The following CSMD1 variants were observed in gnomAD, a reference collection of about 807,000 sequenced individuals.
CSMD1 encodes CUB and sushi domain-containing protein 1.
Under a neutral mutation model 417.5 loss-of-function variants are expected in CSMD1, and 213 were observed. The observed-to-expected ratio is 0.51, with a 90% CI of 0.46 to 0.57. The LOEUF (loss-of-function observed/expected upper bound fraction) is 0.57. Ranked by LOEUF, CSMD1 falls within the 20% of genes least tolerant of loss-of-function variation. The pLI is 0.00. For synonymous variants in CSMD1, 2,862 were observed against 1,736.8 expected (o/e 1.65, Z -16.11); for missense variants, 6,923 against 4,529.7 (o/e 1.53, Z -15.17).
At chr8:3,259,688 A>C (rs1038559899) in intron 26 of CSMD1, among the ~76,000 whole-genome samples, 6 of 152,158 alleles carry the variant, frequency 3.9e-5, no homozygotes, top group African/African-American at 1.4e-4. Context: ...GAAATTTACT[A>C]AATTGGTGAG....
chr8:3,392,489 T>A (rs1042994866), intron 17 of CSMD1, among the ~76,000 whole-genome samples: 2 of 151,982 alleles, frequency 1.3e-5, no homozygotes, highest in African/African-American at 4.8e-5. Flanking sequence ...TTTTTCTCTG[T>A]CTCTGCTTTT....
intron 1 of CSMD1, among the ~76,000 whole-genome samples, chr8:4,832,544 A>G (rs1800216368): frequency 6.6e-6 from 1 of 152,212 alleles, no homozygotes; most frequent in Non-Finnish European, 1.5e-5. Context: ...GGCATGAGGT[A>G]TGCAAGGTTT....
In CSMD1 at chr8:4,539,283, G is replaced by T. The variant is rs915510980; in HGVS notation, c.302+98059C>A. Among the ~76,000 whole-genome samples the T allele has an allele frequency of 2.6e-5, 4 of 152,262 alleles. No homozygotes were observed. The East Asian group carries it at 7.7e-4, about 29-fold the overall frequency. On this transcript the variant is annotated intron_variant, in intron 2 of 69. Transcript: ENST00000635120. Reference sequence around the variant, plus strand: ...ATGCAGTATTTCTGGAAGATAGTATGCATATGTGGGATGTAAAATATATCT... The same window carrying T: ...ATGCAGTATTTCTGGAAGATAGTATTCATATGTGGGATGTAAAATATATCT...
At chr8:3,527,607 C>A (rs1335392633) in intron 10 of CSMD1, among the ~76,000 whole-genome samples, 1 of 152,018 alleles carries the variant, frequency 6.6e-6, no homozygotes, top group Non-Finnish European at 1.5e-5. Context: ...CACACACGGG[C>A]ATCTAAGAGT....
At chr8:3,994,106 C>G (rs1456646523) in intron 5 of CSMD1, among the ~76,000 whole-genome samples, 2 of 152,164 alleles carry the variant, frequency 1.3e-5, no homozygotes, top group Non-Finnish European at 2.9e-5. Flanking sequence ...GGAGCTGAAG[C>G]TCAGTCATGG....
At chr8:4,926,922 T>G (rs1042607875) in intron 1 of CSMD1, among the ~76,000 whole-genome samples, 1 of 152,092 alleles carries the variant, frequency 6.6e-6, no homozygotes, top group Admixed American at 6.5e-5. Context: ...AGTTAATTTT[T>G]AAACCATTTA....
chr8:4,676,822 T>A (rs1448482907), intron 1 of CSMD1, among the ~76,000 whole-genome samples: 1 of 151,892 alleles, frequency 6.6e-6, no homozygotes, highest in Non-Finnish European at 1.5e-5. Flanking sequence ...TGGCTTTGAA[T>A]GTTTTGTTCT....
At chr8:3,192,796 A>T (rs980808095) in intron 33 of CSMD1, among the ~76,000 whole-genome samples, 3 of 152,238 alleles carry the variant, frequency 2.0e-5, no homozygotes, top group Admixed American at 6.5e-5. Flanking sequence ...TTGGTGCTCA[A>T]AACAAAGCAG....
At chr8:3,466,983 A>T (rs1280968646) in intron 12 of CSMD1, among the ~76,000 whole-genome samples, 1 of 152,124 alleles carries the variant, frequency 6.6e-6, no homozygotes, top group African/African-American at 2.4e-5. Flanking sequence ...CTTTTGTCAA[A>T]GATAACACAT....
chr8:4,399,232 T>G (rs1804477661), intron 3 of CSMD1, among the ~76,000 whole-genome samples: 1 of 152,200 alleles, frequency 6.6e-6, no homozygotes, highest in Non-Finnish European at 1.5e-5. Context: ...ACAAACCGTA[T>G]TTCCCCTTGT....
chr8:4,929,384 A>C (rs945582513), intron 1 of CSMD1, among the ~76,000 whole-genome samples: 2 of 152,170 alleles, frequency 1.3e-5, no homozygotes, highest in South Asian at 2.1e-4. Context: ...ACAATTATTA[A>C]AGGACTCCTC....
At chr8:4,468,198 G>A (rs1261882388) in intron 2 of CSMD1, among the ~76,000 whole-genome samples, 1 of 152,162 alleles carries the variant, frequency 6.6e-6, no homozygotes, top group African/African-American at 2.4e-5. Flanking sequence ...TGTAAGTTGA[G>A]AAAGCAGCAG....
intron 5 of CSMD1, among the ~76,000 whole-genome samples, chr8:3,827,152 T>G (rs1442076773): frequency 2.0e-5 from 3 of 152,216 alleles, no homozygotes; most frequent in Non-Finnish European, 4.4e-5. Flanking sequence ...TCACACAGTT[T>G]AGAACCTTAA....
chr8:3,968,996 C>A (rs2049308), intron 5 of CSMD1, among the ~76,000 whole-genome samples: 125,157 of 152,214 alleles, frequency 0.82, 52,091 homozygotes, highest in East Asian at 0.95. Flanking sequence ...CATACCTGTA[C>A]TATCAGCACT....
At chr8:4,284,857 C>CA (rs112236122) in intron 3 of CSMD1, among the ~76,000 whole-genome samples, 62 of 150,994 alleles carry the variant, frequency 4.1e-4, no homozygotes, top group African/African-American at 9.2e-4. Context: ...GAAACAAAAA[C>CA]AAAAAAAAAC....
At chr8:3,783,955 C>T (rs1799314812) in intron 5 of CSMD1, among the ~76,000 whole-genome samples, 1 of 152,184 alleles carries the variant, frequency 6.6e-6, no homozygotes, top group African/African-American at 2.4e-5. Context: ...TTACCTATTA[C>T]CTGCCCTTGG....
At chr8:4,551,965 G>C (rs1258495142) in intron 2 of CSMD1, among the ~76,000 whole-genome samples, 3 of 151,798 alleles carry the variant, frequency 2.0e-5, no homozygotes, top group Non-Finnish European at 4.4e-5. Context: ...GGGACTACAG[G>C]CATGAGCCAC....
At chr8:3,240,998 A>G (rs1388694586) in intron 26 of CSMD1, among the ~76,000 whole-genome samples, 3 of 150,466 alleles carry the variant, frequency 2.0e-5, no homozygotes, top group South Asian at 2.1e-4. Context: ...GTTTTTAATG[A>G]GATGATAAGG....
intron 3 of CSMD1, among the ~76,000 whole-genome samples, chr8:4,059,513 T>C (rs1215016389): frequency 6.6e-6 from 1 of 152,108 alleles, no homozygotes; most frequent in Non-Finnish European, 1.5e-5. Context: ...AGCTGGTTTT[T>C]TGAAAGGATC....
Sources: gnomAD v4.1 joint callset for allele counts (sites outside exome capture counted in the v4.1 genomes callset) on GRCh38, gnomAD v4.1.1 for gene constraint, MANE v1.5 for transcripts, NCBI Gene and HGNC (gene_info 2026-07-23, HGNC 2026-07-21) for gene names.